The following CDH8 variants were observed in gnomAD, a reference collection of about 807,000 sequenced individuals.
The protein encoded by CDH8 is cadherin 8.
CDH8 carries 17 observed loss-of-function variants against 68.1 expected under a neutral mutation model. The ratio of observed to expected loss-of-function variants is 0.25; its 90% CI spans 0.17 to 0.37. The LOEUF (loss-of-function observed/expected upper bound fraction) is 0.37, where lower values mean the gene tolerates loss of function less well. Among genes scored for constraint, CDH8 ranks in the 10% least tolerant of loss-of-function variants. The pLI, the probability that CDH8 is intolerant of heterozygous loss-of-function variation, is 1.00. For missense variants in CDH8, 763 were observed against 999.3 expected, an observed-to-expected ratio of 0.76 and a Z score of 3.19; for synonymous variants, 372 against 365.1, an observed-to-expected ratio of 1.02 and a Z score of -0.21.
chr16:62,027,157 T>C (rs1323568252), intron 1 of CDH8, among the ~76,000 whole-genome samples: 2 of 152,224 alleles, frequency 1.3e-5, no homozygotes, highest in Non-Finnish European at 2.9e-5. Context: ...AATTCTTACA[T>C]ATACGAAAGT....
Position 61,675,641 on chromosome 16 carries a change from AAT to A in CDH8, c.1655-19922_1655-19921del, listed in dbSNP as rs1386506863. On this transcript the variant is annotated intron_variant, in intron 10 of 11. Coordinates refer to ENST00000577390, the MANE Select transcript of CDH8 (RefSeq NM_001796.5). Reference sequence around the variant, plus strand: ...AATAAAAAAAATAAAAAAAAATAAAAATAGTGTTATCATTTATGAAATTTAAG... The same window carrying A: ...AATAAAAAAAATAAAAAAAAATAAAAAGTGTTATCATTTATGAAATTTAAG... Among the ~76,000 whole-genome samples, 12 of 151,292 alleles carry A rather than the reference AAT, an allele frequency of 7.9e-5. No individual in the cohort carries two copies. In the South Asian group the frequency reaches 8.3e-4, roughly 10 times the overall value.
At chr16:61,664,891 A>G (rs1963635546) in intron 10 of CDH8, among the ~76,000 whole-genome samples, 1 of 152,032 alleles carries the variant, frequency 6.6e-6, no homozygotes, top group African/African-American at 2.4e-5. Flanking sequence ...TTGATTATTG[A>G]TATTTCGTCC....
chr16:61,784,324 T>C (rs1266195439), intron 8 of CDH8, among the ~76,000 whole-genome samples: 2 of 149,308 alleles, frequency 1.3e-5, no homozygotes, highest in East Asian at 4.0e-4. Context: ...CCAACAAAGA[T>C]CAAAAGAGAC....
At chr16:61,689,732 A>G (rs1274755430) in intron 10 of CDH8, among the ~76,000 whole-genome samples, 2 of 152,064 alleles carry the variant, frequency 1.3e-5, no homozygotes, top group Non-Finnish European at 2.9e-5. Context: ...AGTGATGATA[A>G]GAATAGCCAG....
At chr16:61,856,989 C>T (rs527839205) in intron 4 of CDH8, 130 bp downstream of exon 4, 4 of 1,048,666 alleles carry the variant, frequency 3.8e-6, no homozygotes, top group East Asian at 2.5e-5. Flanking sequence ...TACCTCATGT[C>T]GCATATTCAA....
intron 2 of CDH8, among the ~76,000 whole-genome samples, chr16:61,994,919 T>A (rs1051107833): frequency 1.3e-5 from 2 of 152,230 alleles, no homozygotes; most frequent in African/African-American, 4.8e-5. Context: ...TGTTCATGTT[T>A]CCTTGTACAA....
intron 3 of CDH8, among the ~76,000 whole-genome samples, chr16:61,865,860 A>G (rs2143021235): frequency 6.6e-6 from 1 of 152,324 alleles, no homozygotes; most frequent in African/African-American, 2.4e-5. Context: ...ATCGATATCC[A>G]TACTGACTTT....
At chr16:61,761,534 G>A (rs1960469256) in intron 8 of CDH8, among the ~76,000 whole-genome samples, 1 of 152,138 alleles carries the variant, frequency 6.6e-6, no homozygotes, top group African/African-American at 2.4e-5. Context: ...GGTAGGCAGA[G>A]TATAAACCCT....
intron 3 of CDH8, among the ~76,000 whole-genome samples, chr16:61,888,404 C>A (rs183888445): frequency 3.3e-5 from 5 of 152,288 alleles, no homozygotes; most frequent in Admixed American, 3.3e-4. Flanking sequence ...GAAGCAGAAG[C>A]AACAGCTTTG....
Position 61,684,259 on chromosome 16 carries a change from C to G in CDH8, c.1655-28538G>C, listed in dbSNP as rs114022729. On this transcript the variant is annotated intron_variant, in intron 10 of 11. Coordinates refer to ENST00000577390, the MANE Select transcript of CDH8 (RefSeq NM_001796.5). ...AGAAGACTAGGTTAAGAAAGAGAAT[C>G]AAAACCTCTAGAAAAATAAGTATTG... is the stretch of plus-strand genomic sequence containing the variant. 9.5e-3 allele frequency among the ~76,000 whole-genome samples: 1,445 copies of G among 152,046 alleles called. 28 individuals are homozygous for G. Among genetic ancestry groups the G allele is most frequent in the African/African-American group, 0.033 (1,374 of 41,500 alleles).
chr16:61,858,158 G>C (rs1044196654), intron 3 of CDH8, among the ~76,000 whole-genome samples: 1 of 151,882 alleles, frequency 6.6e-6, no homozygotes, highest in Non-Finnish European at 1.5e-5. Context: ...GAGGAGGAAG[G>C]GTCAAACAAA....
intron 10 of CDH8, among the ~76,000 whole-genome samples, chr16:61,695,916 T>C (rs1180816210): frequency 6.6e-6 from 1 of 152,120 alleles, no homozygotes; most frequent in African/African-American, 2.4e-5. Context: ...CAAATTTTGA[T>C]CTATCTGTAG....
chr16:62,013,260 T>A (rs1459707395), intron 2 of CDH8, among the ~76,000 whole-genome samples: 1 of 1,744 alleles, frequency 5.7e-4, no homozygotes, highest in African/African-American at 1.7e-3. Context: ...AGACTCCGTC[T>A]CAAAAAAAAA....
chr16:61,755,977 C>T (rs1052526996), intron 8 of CDH8, among the ~76,000 whole-genome samples: 2 of 152,122 alleles, frequency 1.3e-5, no homozygotes, highest in South Asian at 2.1e-4. Flanking sequence ...CATACAACCA[C>T]GCCTGGCTAA....
intron 7 of CDH8, among the ~76,000 whole-genome samples, chr16:61,801,713 C>G (rs1422114154): frequency 6.6e-6 from 1 of 152,140 alleles, no homozygotes; most frequent in African/African-American, 2.4e-5. Context: ...ACGGACGCAC[C>G]TGGAAAATCG....
At chr16:61,712,110 G>T (rs1964642352) in intron 10 of CDH8, among the ~76,000 whole-genome samples, 2 of 151,526 alleles carry the variant, frequency 1.3e-5, no homozygotes, top group Admixed American at 6.6e-5. Context: ...CTATTACAGG[G>T]TTTATCATAA....
At chr16:61,693,065 T>C (rs1964262530) in intron 10 of CDH8, 1 of 152,178 alleles carries the variant, frequency 6.6e-6, no homozygotes, top group Admixed American at 6.6e-5. Context: ...ACTGACTTAT[T>C]TTAATAACTC....
chr16:61,854,242 T>C (rs1182918842), intron 4 of CDH8, among the ~76,000 whole-genome samples: 1 of 151,994 alleles, frequency 6.6e-6, no homozygotes, highest in African/African-American at 2.4e-5. Flanking sequence ...GCTGAGACCC[T>C]GTAGCTGAAG....
intron 7 of CDH8, among the ~76,000 whole-genome samples, chr16:61,799,813 A>G (rs2142996716): frequency 6.6e-6 from 1 of 152,312 alleles, no homozygotes; most frequent in South Asian, 2.1e-4. Flanking sequence ...TTGAAATTTT[A>G]ATTGGATATT....
Sources: gnomAD v4.1 joint callset for allele counts (sites outside exome capture counted in the v4.1 genomes callset) on GRCh38, gnomAD v4.1.1 for gene constraint, MANE v1.5 for transcripts, NCBI Gene and HGNC (gene_info 2026-07-23, HGNC 2026-07-21) for gene names.